Variants in ERH observed in about 807,000 individuals in gnomAD.
The protein encoded by ERH is enhancer of rudimentary homolog.
A neutral mutation model predicts 16.8 loss-of-function variants in ERH; 1 was observed. That is an observed-to-expected ratio of 0.06 (90% CI 0.02 to 0.28). The LOEUF (loss-of-function observed/expected upper bound fraction) is 0.28, where lower values mean the gene tolerates loss of function less well. ERH is among the 10% of genes least tolerant of loss of function. The pLI, the probability that ERH is intolerant of heterozygous loss-of-function variation, is 1.00. For synonymous variants in ERH, 43 were observed against 43.6 expected, an observed-to-expected ratio of 0.99 and a Z score of 0.05; for missense variants, 42 against 127.5, an observed-to-expected ratio of 0.33 and a Z score of 3.23.
chr14:69,391,050 C>T (rs2045921328), intron 2 of ERH, among the ~76,000 whole-genome samples: 1 of 152,234 alleles, frequency 6.6e-6, no homozygotes, highest in Non-Finnish European at 1.5e-5. Flanking sequence ...GGTCCTGCCA[C>T]GTCTGAAGAC....
intron 2 of ERH, among the ~76,000 whole-genome samples, chr14:69,393,557 C>T (rs1882266017): frequency 6.6e-6 from 1 of 152,180 alleles, no homozygotes; most frequent in South Asian, 2.1e-4. Context: ...AGTGAAGTAA[C>T]TCAGAAAGTC....
intron 1 of ERH, chr14:69,397,962 C>T: frequency 1.7e-6 from 1 of 591,292 alleles, no homozygotes; most frequent in Non-Finnish European, 3.0e-6. Context: ...TACCGAGTAA[C>T]AATCGGGAGA....
At chr14:69,391,425 C>T (rs189231451) in intron 2 of ERH, among the ~76,000 whole-genome samples, 3 of 152,008 alleles carry the variant, frequency 2.0e-5, no homozygotes, top group Admixed American at 6.6e-5. Flanking sequence ...GTGGACGGAT[C>T]ACTTGAGGTC....
At chr14:69,393,191 C>T (rs1882255227) in intron 2 of ERH, among the ~76,000 whole-genome samples, 1 of 152,180 alleles carries the variant, frequency 6.6e-6, no homozygotes, top group Non-Finnish European at 1.5e-5. Flanking sequence ...GTGGCACACA[C>T]CTGTAGTCCC....
chr14:69,387,224 G>C (rs764133224), intron 2 of ERH, 141 bp from the exon 3 acceptor site: 34 of 635,576 alleles, frequency 5.3e-5, no homozygotes, highest in Non-Finnish European at 8.8e-5. Flanking sequence ...TAGATTGATG[G>C]CTTTTGATTA....
chr14:69,381,856 T>G (rs1407666572), intron 3 of ERH, among the ~76,000 whole-genome samples: 1 of 152,120 alleles, frequency 6.6e-6, no homozygotes, highest in Non-Finnish European at 1.5e-5. Context: ...GTCCAGCTAA[T>G]GTTTTGTATT....
chr14:69,394,142 T>C (rs1411793330), intron 2 of ERH, among the ~76,000 whole-genome samples: 1 of 152,086 alleles, frequency 6.6e-6, no homozygotes, highest in African/African-American at 2.4e-5. Flanking sequence ...CACACAAGCC[T>C]ATAGTGTTTG....
At chr14:69,395,142 C>G (rs1207910093) in intron 1 of ERH, among the ~76,000 whole-genome samples, 1 of 152,062 alleles carries the variant, frequency 6.6e-6, no homozygotes, top group Non-Finnish European at 1.5e-5. Flanking sequence ...TAGCAAGACC[C>G]TGTCTCTACA....
chr14:69,390,499 G>A (rs953853792), intron 2 of ERH, among the ~76,000 whole-genome samples: 2 of 152,166 alleles, frequency 1.3e-5, no homozygotes, highest in African/African-American at 4.8e-5. Context: ...CAACAGGATA[G>A]TCACATGTGA....
rs1882375037 is a variant in ERH at position 69,397,478 on chromosome 14, G to A, written c.3+753C>T. On this transcript the variant is annotated intron_variant, in intron 1 of 3. Transcript: ENST00000557016. The stretch of plus-strand genomic sequence containing the variant: ...AAAAAAAAAAAAAAGGCAGAGCACA[G>A]GAAAACGAAAGCTGAAAAAACACTG... 2.0e-5 allele frequency among the ~76,000 whole-genome samples: 3 copies of A among 149,960 alleles called. No homozygotes were observed. The South Asian group carries it at 6.3e-4, about 31-fold the overall frequency.
Position 69,398,271 on chromosome 14 carries a change from C to T in ERH, c.-38G>A, listed in dbSNP as rs760223123. 1.2e-6 allele frequency: 2 copies of T among 1,613,322 alleles called. No individual in the cohort carries two copies. On this transcript the variant is annotated 5_prime_UTR_variant, in exon 1 of 4. Coordinates refer to ENST00000557016, the MANE Select transcript of ERH (RefSeq NM_004450.3). Reference sequence around the variant, plus strand: ...TCTTCGCTACAGCAGCTGCCGACACCGCCGCCGTTACACGAGCTTAACTAC... The same window carrying T: ...TCTTCGCTACAGCAGCTGCCGACACTGCCGCCGTTACACGAGCTTAACTAC...
At chr14:69,383,503 C>T (rs1008114448) in intron 3 of ERH, among the ~76,000 whole-genome samples, 1 of 152,158 alleles carries the variant, frequency 6.6e-6, no homozygotes, top group African/African-American at 2.4e-5. Context: ...CCTTATTTCT[C>T]CTGAATATTC....
intron 2 of ERH, among the ~76,000 whole-genome samples, chr14:69,393,725 A>G (rs4902717): frequency 6.6e-6 from 1 of 151,962 alleles, no homozygotes; most frequent in Non-Finnish European, 1.5e-5. Context: ...GATGGCTACA[A>G]TAAAAGCCCA....
At chr14:69,387,189 T>C in intron 2 of ERH, 106 bp from the exon 3 acceptor site, 1 of 871,498 alleles carries the variant, frequency 1.1e-6, no homozygotes, top group Non-Finnish European at 1.7e-6. Context: ...TTTACTTTAA[T>C]AAAGTTGGGC....
At chr14:69,381,951 A>C (rs1594885701) in intron 3 of ERH, among the ~76,000 whole-genome samples, 1 of 152,232 alleles carries the variant, frequency 6.6e-6, no homozygotes, top group South Asian at 2.1e-4. Flanking sequence ...TCGGCCGCCC[A>C]AAGTGCTGGG....
intron 2 of ERH, among the ~76,000 whole-genome samples, chr14:69,388,102 A>G (rs1287988249): frequency 2.0e-5 from 3 of 152,064 alleles, no homozygotes; most frequent in African/African-American, 7.2e-5. Flanking sequence ...TTTAGTTCCA[A>G]CTCTGCCCCT....
intron 1 of ERH, 60 bp from the exon 2 acceptor site, chr14:69,394,972 A>C: frequency 8.7e-7 from 1 of 1,151,556 alleles, no homozygotes; most frequent in Non-Finnish European, 1.3e-6. Flanking sequence ...TAGTATGATA[A>C]AAAAAAATCC....
chr14:69,394,083 C>T (rs1882280864), intron 2 of ERH, among the ~76,000 whole-genome samples: 1 of 150,966 alleles, frequency 6.6e-6, no homozygotes, highest in African/African-American at 2.4e-5. Flanking sequence ...AAGAAGACTA[C>T]ACTTGTATCC....
chr14:69,384,533 G>GGA (rs1421081444), intron 3 of ERH, among the ~76,000 whole-genome samples: 2 of 152,090 alleles, frequency 1.3e-5, no homozygotes, highest in Non-Finnish European at 2.9e-5. Flanking sequence ...CCACTTACTG[G>GGA]GAGTAAGTAT....
Sources: gnomAD v4.1 joint callset for allele counts (sites outside exome capture counted in the v4.1 genomes callset) on GRCh38, gnomAD v4.1.1 for gene constraint, MANE v1.5 for transcripts, NCBI Gene and HGNC (gene_info 2026-07-23, HGNC 2026-07-21) for gene names.